The following DHRSX variants were observed in gnomAD, a reference collection of about 807,000 sequenced individuals.
DHRSX encodes the protein dehydrogenase/reductase X-linked.
A neutral mutation model predicts 34.0 loss-of-function variants in DHRSX; 31 were observed. That is an observed-to-expected ratio of 0.91 (90% CI 0.69 to 1.23). The LOEUF (loss-of-function observed/expected upper bound fraction) is 1.23, where lower values mean the gene tolerates loss of function less well. Among genes scored for constraint, DHRSX ranks in the 50% most tolerant of loss-of-function variants. The probability of loss-of-function intolerance (pLI) is 0.00; values close to 1 mark genes in which losing one functional copy is unlikely to be tolerated. For missense variants in DHRSX, 414 were observed against 428.1 expected (o/e 0.97, Z 0.29); for synonymous variants, 201 against 183.8 (o/e 1.09, Z -0.76).
intron 3 of DHRSX, among the ~76,000 whole-genome samples, chrX:2,321,450 T>C (rs1308313510): frequency 6.6e-6 from 1 of 152,016 alleles, no homozygotes; most frequent in African/African-American, 2.4e-5. Context: ...CCAAAGGGGA[T>C]GGTATTTGGA....
At chrX:2,480,289 G>A (rs6567576) in intron 1 of DHRSX, among the ~76,000 whole-genome samples, 27,253 of 148,442 alleles carry the variant, frequency 0.18, 1,677 homozygotes, top group African/African-American at 0.34. Flanking sequence ...GTATCATCTC[G>A]TATGTAGAAT....
At chrX:2,445,030 A>AGGTG (rs2044111603) in intron 1 of DHRSX, among the ~76,000 whole-genome samples, 1 of 151,830 alleles carries the variant, frequency 6.6e-6, no homozygotes, top group East Asian at 1.9e-4. Flanking sequence ...GGTGGCGGAC[A>AGGTG]CCGGTAATCC....
chrX:2,354,832 G>C (rs2042829303), intron 3 of DHRSX, among the ~76,000 whole-genome samples: 1 of 152,098 alleles, frequency 6.6e-6, no homozygotes, highest in Non-Finnish European at 1.5e-5. Context: ...AGACACGTGT[G>C]TCCATGTCTG....
intron 3 of DHRSX, among the ~76,000 whole-genome samples, chrX:2,370,835 G>A (rs766301207): frequency 2.0e-5 from 3 of 152,170 alleles, no homozygotes; most frequent in East Asian, 1.9e-4. Flanking sequence ...AAACGTCAGA[G>A]GATCAAGCAA....
At chrX:2,243,812 TTTTTTTTTTTG>T (rs2016213322) in intron 5 of DHRSX, among the ~76,000 whole-genome samples, 7 of 121,826 alleles carry the variant, frequency 5.7e-5, no homozygotes, top group African/African-American at 2.5e-4. Context: ...TTTTTTTTTT[TTTTTTTTTTTG>T]AGACAGATTC....
chrX:2,364,667 CATCT>C (rs1428069841), intron 3 of DHRSX, among the ~76,000 whole-genome samples: 8 of 152,084 alleles, frequency 5.3e-5, no homozygotes, highest in Non-Finnish European at 2.9e-5. Context: ...TACCATTTAT[CATCT>C]ATCATCTACT....
At chrX:2,490,834 C>A (rs758215277) in intron 1 of DHRSX, 1 of 1,436,318 alleles carries the variant, frequency 7.0e-7, no homozygotes, top group African/African-American at 1.4e-5. Context: ...GGAGCCCTGC[C>A]GGGGAGACAG....
At chrX:2,381,374 A>G (rs904209057) in intron 3 of DHRSX, among the ~76,000 whole-genome samples, 1 of 152,168 alleles carries the variant, frequency 6.6e-6, no homozygotes, top group African/African-American at 2.4e-5. Context: ...GGTCCTCACC[A>G]GACACTGAAC....
chrX:2,381,666 A>G (rs1317587008), intron 3 of DHRSX, among the ~76,000 whole-genome samples: 2 of 152,046 alleles, frequency 1.3e-5, no homozygotes, highest in East Asian at 1.9e-4. Flanking sequence ...AAGAGCCAGA[A>G]GCAAAATGTG....
intron 3 of DHRSX, among the ~76,000 whole-genome samples, chrX:2,330,041 T>A (rs1191454626): frequency 4.5e-5 from 5 of 111,556 alleles, no homozygotes; most frequent in Admixed American, 1.3e-4. Context: ...TGGACGTCAA[T>A]GAGAGTGAAT....
chrX:2,457,905 T>C (rs751809357), intron 1 of DHRSX, among the ~76,000 whole-genome samples: 23 of 148,328 alleles, frequency 1.6e-4, no homozygotes, highest in Non-Finnish European at 2.5e-4. Flanking sequence ...AGGGAATATG[T>C]TCCGTAAGCA....
intron 3 of DHRSX, among the ~76,000 whole-genome samples, chrX:2,378,824 C>A (rs2043171513): frequency 6.6e-6 from 1 of 152,040 alleles, no homozygotes; most frequent in African/African-American, 2.4e-5. Context: ...GTGCGCACCA[C>A]CACGCCTGGC....
intron 3 of DHRSX, among the ~76,000 whole-genome samples, chrX:2,348,697 T>TA (rs2042750157): frequency 6.6e-6 from 1 of 151,920 alleles, no homozygotes; most frequent in East Asian, 1.9e-4. Flanking sequence ...TTTTTATTTT[T>TA]TTTTTTTTTA....
intron 3 of DHRSX, among the ~76,000 whole-genome samples, chrX:2,308,344 G>A (rs1327362099): frequency 1.3e-5 from 2 of 152,114 alleles, no homozygotes; most frequent in East Asian, 1.9e-4. Flanking sequence ...AAGATACAGA[G>A]TATTAAAAAG....
At chrX:2,309,425 T>C (rs2042138132) in intron 3 of DHRSX, among the ~76,000 whole-genome samples, 1 of 152,072 alleles carries the variant, frequency 6.6e-6, no homozygotes, top group Non-Finnish European at 1.5e-5. Context: ...ATCATAAAAA[T>C]GTAAACTTAA....
chrX:2,289,372 C>A (rs1047936819), intron 4 of DHRSX, among the ~76,000 whole-genome samples: 1 of 152,150 alleles, frequency 6.6e-6, no homozygotes, highest in Non-Finnish European at 1.5e-5. Flanking sequence ...CTCACCTCAG[C>A]CTCCCAAAGT....
intron 1 of DHRSX, among the ~76,000 whole-genome samples, chrX:2,465,809 C>CAAAAAAAAAAAAAAAAAAAAAAA (rs375728172): frequency 5.9e-5 from 5 of 84,738 alleles, no homozygotes; most frequent in African/African-American, 1.8e-4. Flanking sequence ...AACTCCATCG[C>CAAAAAAAAAAAAAAAAAAAAAAA]AAAAAAAAAA....
At chrX:2,336,090 C>G (rs1032938150) in intron 3 of DHRSX, among the ~76,000 whole-genome samples, 38 of 151,854 alleles carry the variant, frequency 2.5e-4, no homozygotes, top group Non-Finnish European at 4.9e-4. Flanking sequence ...TCACTGCAAC[C>G]TCCGCCTCTC....
intron 3 of DHRSX, among the ~76,000 whole-genome samples, chrX:2,373,743 C>T (rs1361766742): frequency 2.6e-5 from 4 of 151,290 alleles, no homozygotes; most frequent in Non-Finnish European, 5.9e-5. Flanking sequence ...GTGGACAGTT[C>T]GCACCCACAT....
Sources: allele counts gnomAD v4.1 joint callset (sites outside exome capture counted in the v4.1 genomes callset), GRCh38; gene constraint gnomAD v4.1.1; transcripts MANE v1.5; gene names NCBI Gene and HGNC (gene_info 2026-07-23, HGNC 2026-07-21).